The following CHD4 variants were observed in gnomAD, a reference collection of about 807,000 sequenced individuals.
CHD4 encodes the protein ATP-dependent chromatin remodeler CHD4.
A neutral mutation model predicts 235.5 loss-of-function variants in CHD4; 35 were observed. The ratio of observed to expected loss-of-function variants is 0.15; its 90% CI spans 0.11 to 0.20. The LOEUF is 0.20. Ranked by LOEUF, CHD4 falls within the 10% of genes least tolerant of loss-of-function variation. The pLI is 1.00. For synonymous variants in CHD4, 900 were observed against 850.2 expected (o/e 1.06, Z -1.02); for missense variants, 1,329 against 2,432.3 (o/e 0.55, Z 9.54).
rs533440996 is a variant in CHD4, at chr12:6,576,447, T to C, written c.5361+1338A>G. ...GGCTCATTGCAGCCTCCTAAGTAGC[T>C]GGAACTACAGGTGCACGCCACCAGA... is the stretch of plus-strand genomic sequence containing the variant. On this transcript the variant is annotated intron_variant, in intron 37 of 39. Transcript: ENST00000544040. Among the ~76,000 whole-genome samples, 6 of 152,304 alleles carry C rather than the reference T, an allele frequency of 3.9e-5. No individual in the cohort carries two copies. In the South Asian group the frequency reaches 1.0e-3, roughly 26 times the overall value.
chr12:6,600,722 G>C, intron 7 of CHD4, 53 bp from the exon 8 acceptor site: 3 of 1,600,114 alleles, frequency 1.9e-6, no homozygotes, highest in Non-Finnish European at 2.6e-6. Flanking sequence ...GGGAAGGACA[G>C]AGTGGCAGAG....
At position 6,582,829 on chromosome 12, in the gene CHD4, A is replaced by T. The variant is rs755223600; in HGVS notation, c.4236+19T>A. 6.2e-7 allele frequency: 1 copy of T among 1,613,990 alleles called. No homozygotes were observed. On this transcript the variant is annotated intron_variant, in intron 28 of 39. Transcript: ENST00000544040. ...CAATATCTGACACTCACCCCTCCTT[A>T]GAATCGTATGGCACTTACTTCAATA...
intron 33 of CHD4, 81 bp downstream of exon 33, chr12:6,580,963 C>CGCCACA: frequency 6.6e-7 from 1 of 1,522,986 alleles, no homozygotes; most frequent in Non-Finnish European, 9.0e-7. Flanking sequence ...GCCAAGATCG[C>CGCCACA]GCCACAGCAC....
At position 6,570,783 on chromosome 12, in the gene CHD4, A is replaced by C; in HGVS notation, c.5721+86T>G. The C allele has an allele frequency of 1.9e-6, 3 of 1,612,036 alleles. 1 individual carries two copies. The highest frequency in any genetic ancestry group is 2.5e-6 in the Non-Finnish European group (3 of 1,178,366). ...TTCACTGATAGGCCACCCACCCAGT[A>C]TGTAAAGCTAGGGACATACAGCAAA... On this transcript the variant is annotated intron_variant, in intron 39 of 39. Transcript: ENST00000544040.
At chr12:6,599,633 A>G (rs1037636526) in intron 10 of CHD4, 140 bp downstream of exon 10, 1 of 1,057,424 alleles carries the variant, frequency 9.5e-7, no homozygotes, top group Non-Finnish European at 1.4e-6. Context: ...AAAGTATCCC[A>G]ACACTATAGG....
intron 37 of CHD4, 53 bp downstream of exon 37, chr12:6,577,732 T>TA: frequency 3.7e-6 from 6 of 1,608,848 alleles, no homozygotes; most frequent in Non-Finnish European, 4.3e-6. Context: ...TGCAGGACGT[T>TA]ACGCACTTTC....
chr12:6,594,429 C>G (rs200285314), intron 15 of CHD4, 30 bp downstream of exon 15: 17 of 1,572,926 alleles, frequency 1.1e-5, no homozygotes, highest in Non-Finnish European at 1.5e-5. Context: ...AACACCCACA[C>G]AAAAAACTAT....
intron 19 of CHD4, 110 bp from the exon 20 acceptor site, chr12:6,592,167 A>C: frequency 7.1e-7 from 1 of 1,404,126 alleles, no homozygotes. Context: ...TTTGGAACTA[A>C]GGACACCTAA....
In CHD4 at chr12:6,597,931, G is replaced by A; in HGVS notation, c.1855C>T (p.Pro619Ser). The change falls in exon 12 of 40, where the codon CCC becomes TCC. Residue 619 changes from proline (P) to serine (S), a missense_variant. Pro to Ser is a moderately conservative substitution (Grantham distance 74). This residue lies in a region of CHD4 where 121 missense variants were observed against 177.8 expected (regional missense o/e 0.68). Coordinates refer to ENST00000544040, the MANE Select transcript of CHD4 (RefSeq NM_001273.5). Reference sequence around the variant, plus strand: ...ATTCGGTGGATCATCATCCACTCGGGTTTTATCCCATAGCGATAGAAGCGT... The same window carrying A: ...ATTCGGTGGATCATCATCCACTCGGATTTTATCCCATAGCGATAGAAGCGT... ...EERFYRYGIK[P>S]EWMMIHRILN... 1 of 1,614,162 alleles carries A rather than the reference G, an allele frequency of 6.2e-7. No homozygotes were observed. The highest frequency in any genetic ancestry group is 8.5e-7 in the Non-Finnish European group (1 of 1,180,032).
rs774714132 is a variant in CHD4 at position 6,578,515 on chromosome 12, C to A, written c.5013G>T (p.Glu1671Asp). Residue 1671 changes from glutamate (E) to aspartate (D), a missense_variant, in exon 35 of 40, where the codon GAG becomes GAT. This residue lies in a region of CHD4 where 219 missense variants were observed against 219.3 expected (regional missense o/e 1.00). Transcript: ENST00000544040. ...GGGTCTCTCCATTCTGAAGCATCAC[C>A]TCTTTTTTCTCTTCTTCTTCTTTCT... ...EEKKEEEEKK[E>D]VMLQNGETPK... 6.2e-7 allele frequency: 1 copy of A among 1,611,982 alleles called. No homozygotes were observed. Among genetic ancestry groups the A allele is most frequent in the Admixed American group, 1.7e-5 (1 of 59,556 alleles).
intron 22 of CHD4, among the ~76,000 whole-genome samples, chr12:6,590,609 A>G (rs1003210339): frequency 1.3e-5 from 2 of 152,126 alleles, no homozygotes; most frequent in Non-Finnish European, 2.9e-5. Context: ...GCTTGAGCCC[A>G]GAACTTTGTG....
intron 37 of CHD4, among the ~76,000 whole-genome samples, chr12:6,575,655 T>C (rs1948057680): frequency 6.6e-6 from 1 of 152,156 alleles, no homozygotes; most frequent in Non-Finnish European, 1.5e-5. Flanking sequence ...TATAATCTTA[T>C]GAATGCTGTT....
intron 8 of CHD4, 52 bp from the exon 9 acceptor site, chr12:6,600,447 CACCCCCCG>C: frequency 6.2e-7 from 1 of 1,607,296 alleles, no homozygotes; most frequent in Non-Finnish European, 8.5e-7. Context: ...TACCTCCCCC[CACCCCCCG>C]ACCCCTATCT....
chr12:6,574,491 A>G (rs1948034138), intron 37 of CHD4, among the ~76,000 whole-genome samples: 1 of 152,228 alleles, frequency 6.6e-6, no homozygotes, highest in Non-Finnish European at 1.5e-5. Flanking sequence ...TAATTTATGA[A>G]AAGATTTTAA....
intron 24 of CHD4, 21 bp downstream of exon 24, chr12:6,587,691 G>GT (rs1948324342): frequency 5.6e-6 from 9 of 1,611,734 alleles, no homozygotes; most frequent in South Asian, 1.1e-5. Context: ...ACACCAAAAC[G>GT]TAAGTTCCTG....
intron 31 of CHD4, 30 bp from the exon 32 acceptor site, chr12:6,581,418 G>A (rs184412521): frequency 6.3e-7 from 1 of 1,599,542 alleles, no homozygotes; most frequent in Non-Finnish European, 8.6e-7. Flanking sequence ...AATCAATTAG[G>A]AAGAAGGTAC....
chr12:6,601,147 T>C lies in CHD4; in HGVS notation c.800-94A>G, dbSNP rs1000676281. ...TAAGCTTGCTTCCCCACATTCAGAT[T>C]CCCAAATTTCCCTCCAAAATCCAAG... On this transcript the variant is annotated intron_variant, in intron 6 of 39. Transcript: ENST00000544040. The C allele has an allele frequency of 3.3e-6, 5 of 1,522,472 alleles. No individual in the cohort carries two copies. The African/African-American group carries it at 6.9e-5, about 21-fold the overall frequency. 94.3% of individuals were successfully genotyped at this position (1,522,472 alleles called of 1,614,324 possible). A position where few individuals can be genotyped will look rare whatever the true frequency, so the allele number is the denominator to read the frequency against.
chr12:6,583,494 T>C, intron 25 of CHD4, 116 bp from the exon 26 acceptor site: 1 of 876,646 alleles, frequency 1.1e-6, no homozygotes. Flanking sequence ...TCTTAAATAC[T>C]TGGTGTGCCT....
chr12:6,599,381 A>T (rs1287063947), intron 10 of CHD4, among the ~76,000 whole-genome samples: 1 of 152,068 alleles, frequency 6.6e-6, no homozygotes, highest in African/African-American at 2.4e-5. Context: ...TGGAGGCTGC[A>T]ATGAGCTATG....
Sources: allele counts gnomAD v4.1 joint callset (sites outside exome capture counted in the v4.1 genomes callset), GRCh38; gene constraint gnomAD v4.1.1; regional missense constraint gnomAD v4.1.1; transcripts MANE v1.5; gene names NCBI Gene and HGNC (gene_info 2026-07-23, HGNC 2026-07-21).